DOCK6: variants seen among roughly 807,000 people sequenced by gnomAD.
DOCK6 encodes the protein dedicator of cytokinesis 6.
DOCK6 carries 167 observed loss-of-function variants against 230.3 expected under a neutral mutation model. The ratio of observed to expected loss-of-function variants is 0.73; its 90% CI spans 0.64 to 0.82. DOCK6 has a LOEUF of 0.82. Among genes scored for constraint, DOCK6 ranks in the 40% least tolerant of loss-of-function variants. The pLI is 0.00. For missense variants in DOCK6, 2,598 were observed against 2,825.8 expected (o/e 0.92, Z 1.83); for synonymous variants, 1,148 against 1,185.0 (o/e 0.97, Z 0.64).
In DOCK6 at chr19:11,243,666, G is replaced by A. The variant is rs566323614; in HGVS notation, c.1149C>T (p.Phe383=). The A allele has an allele frequency of 6.2e-7, 1 of 1,613,086 alleles. No individual in the cohort carries two copies. Among genetic ancestry groups the A allele is most frequent in the African/African-American group, 1.3e-5 (1 of 75,054 alleles). ...TGCGGTAGCGGCCCAGGCGGGTGCA[G>A]AACTGCTCGGCCGCCAGGCGCAGCT... ...LEKLRLAAEQ[F]CTRLGRYRMP... The change falls in exon 11 of 48, where the codon TTC becomes TTT. Residue 383 remains phenylalanine, a synonymous_variant. Coordinates refer to ENST00000294618, the MANE Select transcript of DOCK6 (RefSeq NM_020812.4). The surrounding 1 kb of genome is among the most constrained non-coding windows in gnomAD (Gnocchi z 6.3).
chr19:11,250,545 A>C (rs2080101034), intron 6 of DOCK6, among the ~76,000 whole-genome samples: 1 of 150,562 alleles, frequency 6.6e-6, no homozygotes, highest in Admixed American at 6.6e-5. Flanking sequence ...CCTGGCCTCA[A>C]GCGATCTGCC....
chr19:11,261,804 G>T (rs540000744), intron 1 of DOCK6, among the ~76,000 whole-genome samples: 3 of 151,640 alleles, frequency 2.0e-5, no homozygotes, highest in Non-Finnish European at 4.4e-5. Context: ...GGGAGAGCCT[G>T]AAGCAGAAGG....
At chr19:11,223,156 CA>C in intron 24 of DOCK6, 50 bp from the exon 25 acceptor site, 1 of 1,545,356 alleles carries the variant, frequency 6.5e-7, no homozygotes, top group Non-Finnish European at 8.9e-7. Context: ...TCAGCCCCGA[CA>C]GGGGCTTGGC....
Position 11,237,463 on chromosome 19 carries a change from G to T in DOCK6, c.2066C>A (p.Thr689Lys), listed in dbSNP as rs760261462. Residue 689 changes from threonine to lysine, a missense_variant, in exon 18 of 48, where the codon ACA (threonine) becomes AAA (lysine). Coordinates refer to ENST00000294618, the MANE Select transcript of DOCK6 (RefSeq NM_020812.4). ...DQPPPSYSVLTPDVALPGMRW... is the reference protein window; with the variant it reads ...DQPPPSYSVLKPDVALPGMRW... ...GAGCTCCAGGGCACATACATCGGGT[G>T]TGAGCACGGAATAGCTGGGCGGCGG... 8.1e-6 allele frequency: 13 copies of T among 1,613,486 alleles called. No homozygotes were observed. The highest frequency in any genetic ancestry group is 1.0e-5 in the Non-Finnish European group (12 of 1,179,842).
At chr19:11,219,673 C>T (rs184103213) in intron 28 of DOCK6, among the ~76,000 whole-genome samples, 5 of 151,518 alleles carry the variant, frequency 3.3e-5, no homozygotes, top group Admixed American at 6.6e-5. Flanking sequence ...GCCTGTAGTC[C>T]CAGCTACTCG....
chr19:11,244,461 T>TTC (rs1483924664), intron 9 of DOCK6, among the ~76,000 whole-genome samples: 6 of 132,540 alleles, frequency 4.5e-5, no homozygotes, highest in Admixed American at 7.6e-5. Context: ...CTTTTTTTTT[T>TTC]TTTTTTTTTT....
chr19:11,231,947 T>A (rs1197313260), intron 22 of DOCK6, among the ~76,000 whole-genome samples: 1 of 152,172 alleles, frequency 6.6e-6, no homozygotes, highest in Non-Finnish European at 1.5e-5. Context: ...GCGATTTGCA[T>A]ATTACCCCTG....
At position 11,212,111 on chromosome 19, in the gene DOCK6, G is replaced by T; in HGVS notation, c.4532C>A (p.Ser1511Ter). 6.2e-7 allele frequency: 1 copy of T among 1,612,084 alleles called. No individual in the cohort carries two copies. The highest frequency in any genetic ancestry group is 8.5e-7 in the Non-Finnish European group (1 of 1,179,612). Residue 1511 changes from serine (S) to a stop codon, truncating the protein, a stop_gained, in exon 36 of 48, where the codon TCG (serine) becomes TAG (stop). Transcript: ENST00000294618. LOFTEE classifies it high-confidence loss of function. ...RVKMQVTMSL[S>*]SLVGTTQNFS... The stretch of plus-strand genomic sequence containing the variant: ...GTTCTGCGTCGTCCCCACCAGGGAC[G>T]AGAGAGACATGGTGACCTGCATCTT...
At chr19:11,241,601 G>A (rs1020159418) in intron 14 of DOCK6, 11 of 1,557,050 alleles carry the variant, frequency 7.1e-6, no homozygotes, top group African/African-American at 2.7e-5. Flanking sequence ...GATGGGGGGC[G>A]CACAGGGCAG....
At chr19:11,219,971 G>C (rs936196531) in intron 28 of DOCK6, among the ~76,000 whole-genome samples, 2 of 146,834 alleles carry the variant, frequency 1.4e-5, no homozygotes, top group African/African-American at 5.0e-5. Context: ...TTTTTTTTTT[G>C]AGACAGAGTT....
chr19:11,221,979 C>A lies in DOCK6; in HGVS notation c.3422G>T (p.Ser1141Ile), dbSNP rs1226404999. 19 of 1,613,716 alleles carry A rather than the reference C, an allele frequency of 1.2e-5. No individual in the cohort carries two copies. The South Asian group carries it at 1.9e-4, about 16-fold the overall frequency. ...GTCAGTGTCATGGCCACATAGCAGGCTGTGCACAGCACTGATGGCCTTCTT... is the reference window on the plus strand; with the variant it reads ...GTCAGTGTCATGGCCACATAGCAGGATGTGCACAGCACTGATGGCCTTCTT... Reference protein sequence around the residue: ...LHKKAISAVHSLLCGHDTDPR... With the variant: ...LHKKAISAVHILLCGHDTDPR... The change falls in exon 28 of 48, where the codon AGC becomes ATC. Residue 1141 changes from serine to isoleucine, a missense_variant. By Grantham distance (142) the Ser-to-Ile change is moderately radical. Transcript: ENST00000294618.
At position 11,243,192 on chromosome 19, in the gene DOCK6, TA is replaced by T; in HGVS notation, c.1387-41del. On this transcript the variant is annotated intron_variant, in intron 12 of 47. Coordinates refer to ENST00000294618, the MANE Select transcript of DOCK6 (RefSeq NM_020812.4). This position sits in a 1 kb window ranked among gnomAD's most constrained non-coding sequence, Gnocchi z 6.3. The stretch of plus-strand genomic sequence containing the variant: ...CTCCCGTCAGCCTGGGCCAGGGGGC[TA>T]GGGGTCCCCAGGGCTAATGCAGCCA... 4.3e-6 allele frequency: 7 copies of T among 1,613,154 alleles called. No homozygotes were observed. The highest frequency in any genetic ancestry group is 5.9e-6 in the Non-Finnish European group (7 of 1,179,264).
chr19:11,222,442 C>A lies in DOCK6; in HGVS notation c.3241-194G>T. The A allele has an allele frequency of 1.2e-6, 1 of 805,866 alleles. No individual in the cohort carries two copies. The highest frequency in any genetic ancestry group is 1.9e-6 in the Non-Finnish European group (1 of 524,732). 49.9% of individuals were successfully genotyped at this position (805,866 alleles called of 1,614,324 possible). A position where few individuals can be genotyped will look rare whatever the true frequency, so the allele number is the denominator to read the frequency against. On this transcript the variant is annotated intron_variant, in intron 26 of 47. Coordinates refer to ENST00000294618, the MANE Select transcript of DOCK6 (RefSeq NM_020812.4). The surrounding 1 kb of genome is among the most constrained non-coding windows in gnomAD (Gnocchi z 4.0). ...AAGTGAGGGGCTGACGTTAACCCATCTGTGATGTAACAGGGCACGGAGTCA... is the reference window on the plus strand; with the variant it reads ...AAGTGAGGGGCTGACGTTAACCCATATGTGATGTAACAGGGCACGGAGTCA...
intron 24 of DOCK6, among the ~76,000 whole-genome samples, chr19:11,225,696 A>G (rs992896092): frequency 6.6e-6 from 1 of 151,704 alleles, no homozygotes; most frequent in South Asian, 2.1e-4. Flanking sequence ...TGTCTCAAAC[A>G]AAAACAAATA....
intron 23 of DOCK6, among the ~76,000 whole-genome samples, chr19:11,228,088 G>A (rs2079699324): frequency 6.9e-6 from 1 of 145,736 alleles, no homozygotes. Flanking sequence ...TTGACTCACT[G>A]CAACCTCTGC....
At position 11,229,277 on chromosome 19, in the gene DOCK6, A is replaced by G. The variant is rs2079724820; in HGVS notation, c.2719-242T>C. 3 of 1,298,568 alleles carry G rather than the reference A, an allele frequency of 2.3e-6. No homozygotes were observed. The African/African-American group carries it at 4.5e-5, about 19-fold the overall frequency. 80.4% of individuals were successfully genotyped at this position (1,298,568 alleles called of 1,614,324 possible). On this transcript the variant is annotated intron_variant, in intron 22 of 47. Coordinates refer to ENST00000294618, the MANE Select transcript of DOCK6 (RefSeq NM_020812.4). ...TGGGGACCAGGACAAAAATAGCGTC[A>G]TCCGCACCTCCCCCCACTACCTTCT...
At chr19:11,248,253 T>C in intron 6 of DOCK6, 102 bp from the exon 7 acceptor site, 1 of 855,580 alleles carries the variant, frequency 1.2e-6, no homozygotes, top group South Asian at 1.8e-5. Context: ...CCAGCCTGAC[T>C]AACCGTCTTT....
rs532989497 is a variant in DOCK6 at position 11,214,678 on chromosome 19, C to T, written c.4107-29G>A. ...GAAGGGGAAAGGAGGTCTTGGGGGC[C>T]CACTCGGGGTGAGATCCTACTCCAT... On this transcript the variant is annotated intron_variant, in intron 32 of 47. Transcript: ENST00000294618. 3 of 1,604,764 alleles carry T rather than the reference C, an allele frequency of 1.9e-6. No individual in the cohort carries two copies. The South Asian group carries it at 3.3e-5, about 18-fold the overall frequency.
chr19:11,254,897 C>T (rs945380061), intron 1 of DOCK6, among the ~76,000 whole-genome samples: 2 of 152,136 alleles, frequency 1.3e-5, no homozygotes, highest in Non-Finnish European at 2.9e-5. Flanking sequence ...GACCTGAGTT[C>T]GGGCTCCGTG....
Sources: allele counts gnomAD v4.1 joint callset (sites outside exome capture counted in the v4.1 genomes callset), GRCh38; gene constraint gnomAD v4.1.1; non-coding constraint Gnocchi (gnomAD v3.1); transcripts MANE v1.5; gene names NCBI Gene and HGNC (gene_info 2026-07-23, HGNC 2026-07-21).